Variants in ITGBL1 observed in about 807,000 individuals in gnomAD.
ITGBL1 encodes the protein integrin beta-like protein 1.
In ITGBL1, 51 loss-of-function variants were observed where a neutral mutation model predicts 68.5. The observed-to-expected ratio is 0.74, with a 90% confidence interval of 0.59 to 0.94. The LOEUF (loss-of-function observed/expected upper bound fraction) is 0.94, where lower values mean the gene tolerates loss of function less well. Among genes scored for constraint, ITGBL1 ranks in the 40% least tolerant of loss-of-function variants. The pLI is 0.00. For missense variants in ITGBL1, 649 were observed against 647.4 expected (o/e 1.00, Z -0.03); for synonymous variants, 209 against 227.3 (o/e 0.92, Z 0.72).
chr13:101,701,472 G>T (rs2034134985), intron 8 of ITGBL1, among the ~76,000 whole-genome samples: 1 of 152,086 alleles, frequency 6.6e-6, no homozygotes, highest in Non-Finnish European at 1.5e-5. Flanking sequence ...GTCGGAGGGT[G>T]CAGTGAGTCA....
chr13:101,520,811 G>A (rs949466266), intron 2 of ITGBL1, among the ~76,000 whole-genome samples: 8 of 152,164 alleles, frequency 5.3e-5, no homozygotes, highest in African/African-American at 1.9e-4. Context: ...ACAAAGCCAA[G>A]GGGCCTAAAG....
chr13:101,538,462 G>T (rs1433224500), intron 2 of ITGBL1, among the ~76,000 whole-genome samples: 2 of 152,004 alleles, frequency 1.3e-5, no homozygotes, highest in Non-Finnish European at 2.9e-5. Context: ...GTTGTTGGTA[G>T]AAATGAAAAT....
intron 7 of ITGBL1, among the ~76,000 whole-genome samples, chr13:101,650,692 T>C (rs2032719928): frequency 6.6e-6 from 1 of 151,740 alleles, no homozygotes; most frequent in Non-Finnish European, 1.5e-5. Flanking sequence ...GTTACATAGG[T>C]AAACATGTGC....
intron 8 of ITGBL1, among the ~76,000 whole-genome samples, chr13:101,705,907 C>T (rs1439471695): frequency 6.6e-6 from 1 of 152,162 alleles, no homozygotes; most frequent in Non-Finnish European, 1.5e-5. Flanking sequence ...AACAGATACT[C>T]AGTAACTCTT....
intron 7 of ITGBL1, among the ~76,000 whole-genome samples, chr13:101,679,099 G>A (rs1035391074): frequency 6.6e-6 from 1 of 151,630 alleles, no homozygotes; most frequent in African/African-American, 2.4e-5. Flanking sequence ...GTAGACATGC[G>A]GTTTCACCAT....
chr13:101,599,702 C>T (rs1429152290), intron 7 of ITGBL1, among the ~76,000 whole-genome samples: 23 of 152,114 alleles, frequency 1.5e-4, no homozygotes, highest in Admixed American at 1.5e-3. Context: ...GAATCCTTTC[C>T]CCATTTCTTC....
chr13:101,529,278 C>G (rs2139155086), intron 2 of ITGBL1, among the ~76,000 whole-genome samples: 1 of 151,382 alleles, frequency 6.6e-6, no homozygotes, highest in African/African-American at 2.4e-5. Flanking sequence ...AAAAAAAAAG[C>G]AAGGGAAAGA....
chr13:101,520,456 A>G (rs774068051), intron 2 of ITGBL1, among the ~76,000 whole-genome samples: 26 of 152,198 alleles, frequency 1.7e-4, no homozygotes, highest in Non-Finnish European at 3.7e-4. Flanking sequence ...AGAAAAATCC[A>G]GTATTCCTAG....
chr13:101,563,760 A>AT (rs930482375), intron 2 of ITGBL1, among the ~76,000 whole-genome samples: 8 of 151,850 alleles, frequency 5.3e-5, no homozygotes, highest in African/African-American at 1.7e-4. Flanking sequence ...TCTTCCAAAA[A>AT]CTAGGAGATT....
Position 101,641,871 on chromosome 13 carries a change from G to A in ITGBL1, c.1015+43572G>A, listed in dbSNP as rs564352524. Among the ~76,000 whole-genome samples, 912 of 151,592 alleles carry A rather than the reference G, an allele frequency of 6.0e-3. 11 individuals carry two copies. Among genetic ancestry groups the A allele is most frequent in the African/African-American group, 0.021 (856 of 41,044 alleles). On this transcript the variant is annotated intron_variant, in intron 7 of 10. Coordinates refer to ENST00000376180, the MANE Select transcript of ITGBL1 (RefSeq NM_004791.3). ...AATGATGATTTCCAATTTCATCCAT[G>A]TCCCTACAAAGGACATGAACTCATC... is the stretch of plus-strand genomic sequence containing the variant.
intron 2 of ITGBL1, among the ~76,000 whole-genome samples, chr13:101,535,278 A>G (rs932901842): frequency 1.3e-5 from 2 of 152,076 alleles, no homozygotes; most frequent in Admixed American, 6.6e-5. Flanking sequence ...ACTCCAGCAG[A>G]AGACTAGGAA....
chr13:101,590,835 T>C (rs9300682), intron 6 of ITGBL1, among the ~76,000 whole-genome samples: 30,992 of 152,094 alleles, frequency 0.2, 3,263 homozygotes, highest in Non-Finnish European at 0.23. Context: ...GCATTTCCAA[T>C]GTAGATCTGT....
At chr13:101,603,855 A>T (rs930492999) in intron 7 of ITGBL1, among the ~76,000 whole-genome samples, 7 of 151,950 alleles carry the variant, frequency 4.6e-5, no homozygotes, top group Non-Finnish European at 1.0e-4. Flanking sequence ...AACTTTAGGT[A>T]CAGTGATTTT....
downstream of ITGBL1, chr13:101,717,413 G>C (rs896610392): frequency 6.6e-6 from 1 of 152,070 alleles, no homozygotes; most frequent in African/African-American, 2.4e-5. Context: ...AATATAAGTA[G>C]TCAATAAATA....
intron 7 of ITGBL1, among the ~76,000 whole-genome samples, chr13:101,619,611 A>G (rs1310290064): frequency 6.6e-6 from 1 of 152,174 alleles, no homozygotes; most frequent in African/African-American, 2.4e-5. Context: ...ATAAATGTGT[A>G]TTGTTTTTAG....
intron 2 of ITGBL1, among the ~76,000 whole-genome samples, chr13:101,506,695 G>C (rs898747635): frequency 6.6e-6 from 1 of 152,174 alleles, no homozygotes; most frequent in African/African-American, 2.4e-5. Context: ...GATAAAATTT[G>C]CTTCAGCTTA....
At chr13:101,546,191 CTG>C (rs1266707624) in intron 2 of ITGBL1, among the ~76,000 whole-genome samples, 2 of 152,088 alleles carry the variant, frequency 1.3e-5, no homozygotes, top group Non-Finnish European at 2.9e-5. Context: ...TTCAATAAAA[CTG>C]TAAAGAAAAG....
chr13:101,543,302 C>G (rs1232924448), intron 2 of ITGBL1, among the ~76,000 whole-genome samples: 1 of 152,096 alleles, frequency 6.6e-6, no homozygotes, highest in East Asian at 1.9e-4. Flanking sequence ...GATTTTATTT[C>G]TCCTTCACTT....
intron 2 of ITGBL1, among the ~76,000 whole-genome samples, chr13:101,509,997 CT>C (rs1316050533): frequency 3.3e-5 from 5 of 151,844 alleles, no homozygotes; most frequent in East Asian, 1.9e-4. Context: ...TCCAATTTCT[CT>C]TTTTTTTCTT....
Sources: allele counts gnomAD v4.1 joint callset (sites outside exome capture counted in the v4.1 genomes callset), GRCh38; gene constraint gnomAD v4.1.1; transcripts MANE v1.5; gene names NCBI Gene and HGNC (gene_info 2026-07-23, HGNC 2026-07-21).